The following TSPEAR variants were observed in gnomAD, a reference collection of about 807,000 sequenced individuals.
TSPEAR encodes the protein thrombospondin type laminin G domain and EAR repeats.
TSPEAR carries 69 observed loss-of-function variants against 71.6 expected under a neutral mutation model. That is an observed-to-expected ratio of 0.96 (90% CI 0.79 to 1.18). The LOEUF (loss-of-function observed/expected upper bound fraction) is 1.18, where lower values mean the gene tolerates loss of function less well. Among genes scored for constraint, TSPEAR ranks in the 50% most tolerant of loss-of-function variants. The pLI, the probability that TSPEAR is intolerant of heterozygous loss-of-function variation, is 0.00. For synonymous variants in TSPEAR, 402 were observed against 387.2 expected (o/e 1.04, Z -0.45); for missense variants, 971 against 894.9 (o/e 1.09, Z -1.09).
chr21:44,611,469 C>T (rs1303276339), intron 1 of TSPEAR, among the ~76,000 whole-genome samples: 1 of 152,086 alleles, frequency 6.6e-6, no homozygotes, highest in Non-Finnish European at 1.5e-5. Context: ...GCCTCCCCAG[C>T]CATGTGGAAC....
chr21:44,644,690 T>G (rs1156737670), intron 1 of TSPEAR, among the ~76,000 whole-genome samples: 13 of 152,088 alleles, frequency 8.5e-5, no homozygotes, highest in African/African-American at 3.1e-4. Flanking sequence ...AAACTCAAAG[T>G]AACATCATCA....
intron 1 of TSPEAR, among the ~76,000 whole-genome samples, chr21:44,689,486 A>C (rs2146309676): frequency 6.6e-6 from 1 of 150,922 alleles, no homozygotes; most frequent in Non-Finnish European, 1.5e-5. Flanking sequence ...TGGGCGACAG[A>C]GCGAGACTCC....
At chr21:44,570,744 T>G (rs1209182584) in intron 1 of TSPEAR, among the ~76,000 whole-genome samples, 4 of 152,120 alleles carry the variant, frequency 2.6e-5, no homozygotes, top group African/African-American at 9.7e-5. Flanking sequence ...TAGAGGAAAC[T>G]GATTAAACCC....
At chr21:44,699,026 C>T (rs185428045) in intron 1 of TSPEAR, among the ~76,000 whole-genome samples, 1 of 152,068 alleles carries the variant, frequency 6.6e-6, no homozygotes, top group Non-Finnish European at 1.5e-5. Context: ...CATAGTGAGA[C>T]CTTGTCTCTA....
intron 2 of TSPEAR, chr21:44,558,201 A>G (rs1555920239): frequency 1.9e-6 from 3 of 1,555,610 alleles, no homozygotes. Flanking sequence ...GGGGATGGGC[A>G]CACAGCAGGT....
At chr21:44,668,718 G>T (rs1985911852) in intron 1 of TSPEAR, among the ~76,000 whole-genome samples, 1 of 152,184 alleles carries the variant, frequency 6.6e-6, no homozygotes, top group Non-Finnish European at 1.5e-5. Flanking sequence ...AGCATAGAGA[G>T]CCCAGAAATA....
chr21:44,525,671 C>T lies in TSPEAR; in HGVS notation c.1318G>A (p.Val440Met). 2 of 1,614,096 alleles carry T rather than the reference C, an allele frequency of 1.2e-6. No individual in the cohort carries two copies. The highest frequency in any genetic ancestry group is 2.2e-5 in the South Asian group (2 of 91,078). ...FEVDGEHFLA[V>M]ANHREGDNHN... ...GCCCTACCTTCCCGGTGGTTGGCCA[C>T]CGCCAGGAAGTGCTCCCCATCCACC... The change falls in exon 8 of 12, where the codon GTG becomes ATG. Residue 440 changes from valine (V) to methionine (M), a missense_variant. Val to Met is a conservative substitution (Grantham distance 21). Coordinates refer to ENST00000323084, the MANE Select transcript of TSPEAR (RefSeq NM_144991.3).
At chr21:44,636,973 T>C (rs1463671306) in intron 1 of TSPEAR, among the ~76,000 whole-genome samples, 2 of 152,224 alleles carry the variant, frequency 1.3e-5, no homozygotes, top group African/African-American at 4.8e-5. Flanking sequence ...ACCTCCGTCC[T>C]GGCTCTCCCA....
chr21:44,684,346 G>A (rs1422633317), intron 1 of TSPEAR, among the ~76,000 whole-genome samples: 4 of 152,156 alleles, frequency 2.6e-5, no homozygotes, highest in Non-Finnish European at 5.9e-5. Flanking sequence ...ACCAGCCTAG[G>A]CAACAAGCAA....
chr21:44,595,875 T>A (rs587674928), intron 1 of TSPEAR, among the ~76,000 whole-genome samples: 20 of 152,374 alleles, frequency 1.3e-4, no homozygotes, highest in East Asian at 7.7e-4. Context: ...TTCCTGTGAA[T>A]ACATAATGAT....
intron 1 of TSPEAR, among the ~76,000 whole-genome samples, chr21:44,600,446 T>C (rs1980716005): frequency 6.6e-6 from 1 of 152,052 alleles, no homozygotes; most frequent in Non-Finnish European, 1.5e-5. Context: ...CTAATAAGCG[T>C]TCTCTAGGTT....
At chr21:44,661,130 C>T (rs1555943519) in intron 1 of TSPEAR, among the ~76,000 whole-genome samples, 1 of 151,696 alleles carries the variant, frequency 6.6e-6, no homozygotes, top group African/African-American at 2.4e-5. Flanking sequence ...AAAAATTAGC[C>T]GGGTGTGGTG....
intron 1 of TSPEAR, among the ~76,000 whole-genome samples, chr21:44,667,901 A>G (rs1397737002): frequency 6.6e-6 from 1 of 152,264 alleles, no homozygotes; most frequent in African/African-American, 2.4e-5. Flanking sequence ...AACTAAGAAT[A>G]GAAGAAAACT....
At chr21:44,689,132 C>A (rs1047365575) in intron 1 of TSPEAR, among the ~76,000 whole-genome samples, 1 of 152,104 alleles carries the variant, frequency 6.6e-6, no homozygotes, top group African/African-American at 2.4e-5. Flanking sequence ...GGGAAGCCAG[C>A]GGCACGAAAA....
chr21:44,679,038 T>C (rs1395282312), intron 1 of TSPEAR, among the ~76,000 whole-genome samples: 1 of 152,230 alleles, frequency 6.6e-6, no homozygotes, highest in Non-Finnish European at 1.5e-5. Flanking sequence ...CTTCAATTGG[T>C]CTACAGAGCC....
At chr21:44,573,926 C>T in intron 1 of TSPEAR, 1 of 1,612,702 alleles carries the variant, frequency 6.2e-7, no homozygotes, top group Non-Finnish European at 8.5e-7. Context: ...TGAGCCTGGT[C>T]TGCACCCCAG....
intron 1 of TSPEAR, among the ~76,000 whole-genome samples, chr21:44,570,839 A>T (rs1184922567): frequency 6.6e-6 from 1 of 152,264 alleles, no homozygotes; most frequent in Non-Finnish European, 1.5e-5. Context: ...AGAAATTAAA[A>T]GGCTGATAAG....
intron 2 of TSPEAR, among the ~76,000 whole-genome samples, chr21:44,538,427 C>A (rs1047123437): frequency 1.2e-4 from 15 of 125,746 alleles, no homozygotes; most frequent in Non-Finnish European, 2.0e-4. Flanking sequence ...CTGCTGCCCC[C>A]CCCCCCCCCA....
At chr21:44,627,435 T>G in intron 1 of TSPEAR, 1 of 1,613,546 alleles carries the variant, frequency 6.2e-7, no homozygotes, top group African/African-American at 1.3e-5. Flanking sequence ...GCCAGCCGGC[T>G]TACTGCACCT....
Sources: gnomAD v4.1 joint callset for allele counts (sites outside exome capture counted in the v4.1 genomes callset) on GRCh38, gnomAD v4.1.1 for gene constraint, MANE v1.5 for transcripts, NCBI Gene and HGNC (gene_info 2026-07-23, HGNC 2026-07-21) for gene names.